The following GABRA5 variants were observed in gnomAD, a reference collection of about 807,000 sequenced individuals.
GABRA5 encodes the protein gamma-aminobutyric acid receptor subunit alpha-5.
In GABRA5, 18 loss-of-function variants were observed where a neutral mutation model predicts 47.3. That is an observed-to-expected ratio of 0.38 (90% CI 0.26 to 0.56). The LOEUF (loss-of-function observed/expected upper bound fraction) is 0.56, where lower values mean the gene tolerates loss of function less well. Among genes scored for constraint, GABRA5 ranks in the 20% least tolerant of loss-of-function variants. GABRA5 has a pLI of 0.71. For synonymous variants in GABRA5, 237 were observed against 229.3 expected (o/e 1.03, Z -0.30); for missense variants, 365 against 599.3 (o/e 0.61, Z 4.08).
chr15:26,913,264 C>G (rs972604693), intron 6 of GABRA5, among the ~76,000 whole-genome samples: 3 of 152,060 alleles, frequency 2.0e-5, no homozygotes, highest in African/African-American at 7.2e-5. Flanking sequence ...ACACACAAGC[C>G]TCTGTGAGTC....
intron 6 of GABRA5, among the ~76,000 whole-genome samples, chr15:26,884,433 A>G (rs1461030563): frequency 6.6e-6 from 1 of 152,192 alleles, no homozygotes; most frequent in Non-Finnish European, 1.5e-5. Context: ...CAAAGTTTCC[A>G]AAGTGGGTCT....
intron 3 of GABRA5, among the ~76,000 whole-genome samples, chr15:26,874,348 A>G (rs1892542560): frequency 6.6e-6 from 1 of 152,052 alleles, no homozygotes; most frequent in Non-Finnish European, 1.5e-5. Flanking sequence ...TTTAATTTAC[A>G]CAAAATTCTT....
chr15:26,878,683 G>T (rs1892656079), intron 3 of GABRA5, among the ~76,000 whole-genome samples: 1 of 152,200 alleles, frequency 6.6e-6, no homozygotes, highest in South Asian at 2.1e-4. Context: ...AAGGCAAAAG[G>T]CAGTATGGCA....
chr15:26,895,182 C>T (rs1043976863), intron 6 of GABRA5, among the ~76,000 whole-genome samples: 15 of 151,982 alleles, frequency 9.9e-5, no homozygotes, highest in Non-Finnish European at 1.6e-4. Flanking sequence ...CCACCTGCCG[C>T]CCCCTTCACC....
At chr15:26,938,182 C>T (rs1894293014) in intron 8 of GABRA5, among the ~76,000 whole-genome samples, 1 of 152,214 alleles carries the variant, frequency 6.6e-6, no homozygotes, top group African/African-American at 2.4e-5. Flanking sequence ...TGCATGCACA[C>T]ACACGCAGTC....
chr15:26,928,261 T>C (rs917948997), intron 7 of GABRA5, among the ~76,000 whole-genome samples: 2 of 152,226 alleles, frequency 1.3e-5, no homozygotes, highest in Non-Finnish European at 2.9e-5. Flanking sequence ...TTATGCCTGC[T>C]GTTGCATTCA....
At chr15:26,878,798 C>A (rs1892657706) in intron 3 of GABRA5, among the ~76,000 whole-genome samples, 1 of 152,204 alleles carries the variant, frequency 6.6e-6, no homozygotes. Context: ...GAAGTAGAAT[C>A]CGAGCTTTGA....
In GABRA5 at chr15:26,937,207, C is replaced by T. The variant is rs181785772; in HGVS notation, c.603C>T (p.Val201=). The T allele has an allele frequency of 6.0e-5, 97 of 1,613,974 alleles. No individual in the cohort carries two copies. The highest frequency in any genetic ancestry group is 4.0e-5 in the African/African-American group (3 of 75,060). The change falls in exon 8 of 11, where the codon GTC becomes GTT. Residue 201 remains valine, a synonymous_variant. Coordinates refer to ENST00000335625, the MANE Select transcript of GABRA5 (RefSeq NM_000810.4). ...CAGATGCGTACCCTAATTCTGAAGT[C>T]GTTTACGTCTGGACCAACGGCTCCA... ...FGSYAYPNSE[V]VYVWTNGSTK... is the part of the protein sequence containing the mutation.
At chr15:26,928,276 C>T (rs1295042280) in intron 7 of GABRA5, among the ~76,000 whole-genome samples, 1 of 152,150 alleles carries the variant, frequency 6.6e-6, no homozygotes, top group East Asian at 1.9e-4. Flanking sequence ...CATTCATCAT[C>T]CCCAGCTTCT....
At chr15:26,893,590 C>G (rs529262898) in intron 6 of GABRA5, among the ~76,000 whole-genome samples, 2 of 152,036 alleles carry the variant, frequency 1.3e-5, no homozygotes, top group South Asian at 4.1e-4. Flanking sequence ...TCCTCTGCCT[C>G]GTGTCCTTCC....
intron 6 of GABRA5, among the ~76,000 whole-genome samples, chr15:26,887,464 G>A (rs1356340756): frequency 6.6e-6 from 1 of 152,004 alleles, no homozygotes; most frequent in Non-Finnish European, 1.5e-5. Flanking sequence ...CAAGTAGCTG[G>A]GATTACAGGT....
chr15:26,899,877 A>G (rs1036738698), intron 6 of GABRA5, among the ~76,000 whole-genome samples: 8 of 152,092 alleles, frequency 5.3e-5, no homozygotes, highest in African/African-American at 1.9e-4. Context: ...TATTTAGTCC[A>G]TTTACATTTA....
At chr15:26,944,949 T>C (rs1250202362) in intron 10 of GABRA5, among the ~76,000 whole-genome samples, 1 of 152,144 alleles carries the variant, frequency 6.6e-6, no homozygotes, top group African/African-American at 2.4e-5. Context: ...GTGTTCTTGT[T>C]GGGTGTCGCC....
intron 7 of GABRA5, among the ~76,000 whole-genome samples, 196 bp from the exon 8 acceptor site, chr15:26,936,989 C>A (rs1894258248): frequency 6.6e-6 from 1 of 152,178 alleles, no homozygotes; most frequent in Admixed American, 6.5e-5. Context: ...GGCACCCAGG[C>A]CTTTAGACAT....
In GABRA5 at chr15:26,892,172, ACTC is replaced by A. The variant is rs1401721161; in HGVS notation, c.497+8618_497+8620del. On this transcript the variant is annotated intron_variant, in intron 6 of 10. Coordinates refer to ENST00000335625, the MANE Select transcript of GABRA5 (RefSeq NM_000810.4). Reference sequence around the variant, plus strand: ...GGAATCCGGAGTTTTTGTGGTCTTCACTCCTATGATTTGCACTGTCTGAAACGG... The same window carrying A: ...GGAATCCGGAGTTTTTGTGGTCTTCACTATGATTTGCACTGTCTGAAACGG... 5.9e-5 allele frequency among the ~76,000 whole-genome samples: 9 copies of A among 152,324 alleles called. No individual in the cohort carries two copies. The South Asian group carries it at 1.0e-3, about 18-fold the overall frequency.
chr15:26,943,174 C>G (rs1566888712), intron 9 of GABRA5, 41 bp from the exon 10 acceptor site: 5 of 1,487,364 alleles, frequency 3.4e-6, no homozygotes, highest in African/African-American at 1.4e-5. Flanking sequence ...AGCACTGACC[C>G]CTGTTTCCGT....
rs61323068 is a variant in GABRA5 at position 26,944,101 on chromosome 15, G to A, written c.1089+675G>A. Among the ~76,000 whole-genome samples, 748 of 152,340 alleles carry A rather than the reference G, an allele frequency of 4.9e-3. 8 individuals carry two copies. The highest frequency in any genetic ancestry group is 0.017 in the African/African-American group (727 of 41,582). On this transcript the variant is annotated intron_variant, in intron 10 of 10. Coordinates refer to ENST00000335625, the MANE Select transcript of GABRA5 (RefSeq NM_000810.4). ...CACAAATCTCTGTATGGAGAGAACA[G>A]GAGGTCAGAGCCATCGGGGCGACCT...
At chr15:26,939,317 G>C (rs1461322862) in intron 8 of GABRA5, 1 of 765,306 alleles carries the variant, frequency 1.3e-6, no homozygotes, top group East Asian at 2.4e-5. Flanking sequence ...GGCAAATCCA[G>C]AGAAGGCACT....
intron 6 of GABRA5, among the ~76,000 whole-genome samples, chr15:26,893,177 TGTG>T (rs949297040): frequency 1.8e-5 from 2 of 113,842 alleles, no homozygotes; most frequent in Non-Finnish European, 3.9e-5. Context: ...GTGTATGTGG[TGTG>T]TGGTGTGTGT....
Sources: gnomAD v4.1 joint callset for allele counts (sites outside exome capture counted in the v4.1 genomes callset) on GRCh38, gnomAD v4.1.1 for gene constraint, MANE v1.5 for transcripts, NCBI Gene and HGNC (gene_info 2026-07-23, HGNC 2026-07-21) for gene names.